Variants in PON2 observed in about 807,000 individuals in gnomAD.
The protein encoded by PON2 is paraoxonase 2, also known as serum paraoxonase/arylesterase 2.
Under a neutral mutation model 36.6 loss-of-function variants are expected in PON2, and 27 were observed. The ratio of observed to expected loss-of-function variants is 0.74; its 90% CI spans 0.54 to 1.02. The LOEUF is 1.02. Ranked by LOEUF, PON2 falls within the 50% of genes least tolerant of loss-of-function variation. The pLI, the probability that PON2 is intolerant of heterozygous loss-of-function variation, is 0.00. For synonymous variants in PON2, 149 were observed against 156.3 expected, an observed-to-expected ratio of 0.95 and a Z score of 0.35; for missense variants, 363 against 421.1, an observed-to-expected ratio of 0.86 and a Z score of 1.21.
chr7:95,409,801 G>A lies in PON2; in HGVS notation c.695+100C>T, dbSNP rs184709638. On this transcript the variant is annotated intron_variant, in intron 6 of 8. Coordinates refer to ENST00000222572, the MANE Select transcript of PON2 (RefSeq NM_000305.3). ...ATTATATGTATAATATACCATAAAT[G>A]TCAAGAAAACTATTTTCACATTGAC... 5.3e-4 allele frequency: 479 copies of A among 911,686 alleles called. 2 individuals carry two copies. The African/African-American group carries it at 6.1e-3, about 12-fold the overall frequency. 56.5% of individuals were successfully genotyped at this position (911,686 alleles called of 1,614,324 possible).
At chr7:95,407,692 A>T (rs1275296713) in intron 6 of PON2, among the ~76,000 whole-genome samples, 1 of 152,236 alleles carries the variant, frequency 6.6e-6, no homozygotes, top group East Asian at 1.9e-4. Context: ...GCAGATATAA[A>T]CATGAAGAAG....
At position 95,424,571 on chromosome 7, in the gene PON2, G is replaced by A; in HGVS notation, c.89C>T (p.Ala30Val). The A allele has an allele frequency of 1.2e-6, 2 of 1,612,476 alleles. No individual in the cohort carries two copies. The highest frequency in any genetic ancestry group is 1.7e-6 in the Non-Finnish European group (2 of 1,179,158). The change falls in exon 2 of 9, where the codon GCC (alanine) becomes GTC (valine). Residue 30 changes from alanine to valine, a missense_variant. Ala to Val is a moderately conservative substitution (Grantham distance 64). Transcript: ENST00000222572. The part of the protein sequence containing the change: ...RLLALRNRLK[A>V]SREVESVDLP... Reference sequence around the variant, plus strand: ...GTCTACAGATTCTACTTCTCTGGAGGCTTTAAGTCGATTTCTGTTACAAAG... The same window carrying A: ...GTCTACAGATTCTACTTCTCTGGAGACTTTAAGTCGATTTCTGTTACAAAG...
chr7:95,412,588 A>T, intron 3 of PON2, 111 bp from the exon 4 acceptor site: 3 of 1,121,492 alleles, frequency 2.7e-6, no homozygotes, highest in Non-Finnish European at 3.9e-6. Flanking sequence ...GTAGTGGCAT[A>T]AAGCCACAAA....
intron 3 of PON2, among the ~76,000 whole-genome samples, chr7:95,413,993 A>T (rs1352317090): frequency 6.6e-6 from 1 of 152,222 alleles, no homozygotes; most frequent in Non-Finnish European, 1.5e-5. Context: ...ATAACTAGTC[A>T]TGGTTATGTT....
intron 8 of PON2, among the ~76,000 whole-genome samples, chr7:95,405,903 CATAATTTA>C (rs1809673201): frequency 6.6e-6 from 1 of 152,110 alleles, no homozygotes; most frequent in Non-Finnish European, 1.5e-5. Flanking sequence ...TAGTTTCCAC[CATAATTTA>C]ATACATCAAA....
intron 1 of PON2, 62 bp downstream of exon 1, chr7:95,434,816 C>A (rs1255724376): frequency 6.6e-7 from 1 of 1,512,810 alleles, no homozygotes; most frequent in East Asian, 2.6e-5. Context: ...GCCCTCCCCG[C>A]ACCACGCGGC....
chr7:95,410,091 T>C lies in PON2; in HGVS notation c.505A>G (p.Ile169Val). 1 of 1,613,354 alleles carries C rather than the reference T, an allele frequency of 6.2e-7. No individual in the cohort carries two copies. The highest frequency in any genetic ancestry group is 8.5e-7 in the Non-Finnish European group (1 of 1,179,466). ...AAATGTGCCGGTCCAACAGCTGTGA[T>C]GTCATTCACACTGAAAAAGAAAAAT... ...KHELLPSVNDITAVGPAHFYA... is the reference protein window; with the variant it reads ...KHELLPSVNDVTAVGPAHFYA... The change falls in exon 6 of 9, where the codon ATC becomes GTC. Residue 169 changes from isoleucine (I) to valine (V), a missense_variant. Coordinates refer to ENST00000222572, the MANE Select transcript of PON2 (RefSeq NM_000305.3).
intron 2 of PON2, among the ~76,000 whole-genome samples, chr7:95,423,102 T>C (rs1789230849): frequency 3.3e-5 from 5 of 152,030 alleles, no homozygotes; most frequent in African/African-American, 4.8e-5. Flanking sequence ...GCTGGGAGGA[T>C]TGCTTGAGGC....
chr7:95,424,324 C>T, intron 2 of PON2, 191 bp downstream of exon 2: 1 of 595,406 alleles, frequency 1.7e-6, no homozygotes, highest in East Asian at 2.8e-5. Flanking sequence ...GAATAATTTA[C>T]AGTGAGGGTA....
chr7:95,424,993 C>T (rs1789282202), intron 1 of PON2, among the ~76,000 whole-genome samples: 1 of 152,066 alleles, frequency 6.6e-6, no homozygotes, highest in Non-Finnish European at 1.5e-5. Context: ...TGACTGTAAG[C>T]CTCACACAGA....
chr7:95,411,728 A>C lies in PON2; in HGVS notation c.419T>G (p.Val140Gly), dbSNP rs1045253035. ...TGCTTCTTCAAATTTAAAAATTTCC[A>C]CTGTATTCTTGAATTCTGGGTGGTT... ...VVNHPEFKNTVEIFKFEEAEN... is the reference protein window; with the variant it reads ...VVNHPEFKNTGEIFKFEEAEN... The change falls in exon 5 of 9, where the codon GTG (valine) becomes GGG (glycine). Residue 140 changes from valine to glycine, a missense_variant. Transcript: ENST00000222572. 6.8e-6 allele frequency: 11 copies of C among 1,613,548 alleles called. No homozygotes were observed. The highest frequency in any genetic ancestry group is 8.5e-6 in the Non-Finnish European group (10 of 1,179,666).
At position 95,405,305 on chromosome 7, in the gene PON2, C is replaced by T. The variant is rs181941842; in HGVS notation, c.*25G>A. ...CATAGAAAATTAATTGTTAAGTTAT[C>T]GCACTTTCATGCCAAAAGTACAATT... On this transcript the variant is annotated 3_prime_UTR_variant, in exon 9 of 9. Coordinates refer to ENST00000222572, the MANE Select transcript of PON2 (RefSeq NM_000305.3). The T allele has an allele frequency of 2.3e-5, 37 of 1,609,444 alleles. No homozygotes were observed. The highest frequency in any genetic ancestry group is 1.8e-4 in the East Asian group (8 of 44,758).
intron 4 of PON2, 116 bp from the exon 5 acceptor site, chr7:95,411,895 G>T (rs1396201780): frequency 9.6e-7 from 1 of 1,045,590 alleles, no homozygotes; most frequent in South Asian, 1.4e-5. Flanking sequence ...GCTGTTAGAC[G>T]ACCTAACAGA....
At chr7:95,426,206 C>A (rs1402693402) in intron 1 of PON2, among the ~76,000 whole-genome samples, 1 of 151,752 alleles carries the variant, frequency 6.6e-6, no homozygotes, top group African/African-American at 2.4e-5. Context: ...GACAATATAC[C>A]CATGTAAAAC....
rs758786976 is a variant in PON2, at chr7:95,432,452, C to G, written c.74+2426G>C. ...AAACAAAAAACAAACAAACAAAAAC[C>G]TGTAAATAAACTATCAGGCATTCTG... is the stretch of plus-strand genomic sequence containing the variant. On this transcript the variant is annotated intron_variant, in intron 1 of 8. Coordinates refer to ENST00000222572, the MANE Select transcript of PON2 (RefSeq NM_000305.3). Among the ~76,000 whole-genome samples the G allele has an allele frequency of 1.7e-4, 26 of 152,164 alleles. 1 individual carries two copies. Among genetic ancestry groups the G allele is most frequent in the Admixed American group, 1.5e-3 (23 of 15,282 alleles).
chr7:95,409,773 T>C, intron 6 of PON2, 128 bp downstream of exon 6: 2 of 504,088 alleles, frequency 4.0e-6, no homozygotes, highest in South Asian at 4.7e-5. Context: ...AGTGTATCTA[T>C]ATATTATATG....
At chr7:95,416,771 T>G (rs1409822750) in intron 2 of PON2, among the ~76,000 whole-genome samples, 2 of 152,214 alleles carry the variant, frequency 1.3e-5, no homozygotes, top group Non-Finnish European at 2.9e-5. Flanking sequence ...TTCCTTCTTT[T>G]AAAAACAGTG....
At chr7:95,434,352 G>A (rs1789512417) in intron 1 of PON2, 1 of 153,394 alleles carries the variant, frequency 6.5e-6, no homozygotes, top group African/African-American at 2.4e-5. Flanking sequence ...TAAATAGGAA[G>A]TAAGAACAGT....
chr7:95,414,871 C>T (rs3779492), intron 3 of PON2, among the ~76,000 whole-genome samples: 40,716 of 151,994 alleles, frequency 0.27, 5,869 homozygotes, highest in South Asian at 0.36. Context: ...AAACTAAATA[C>T]ATATACTGGT....
Sources: gnomAD v4.1 joint callset for allele counts (sites outside exome capture counted in the v4.1 genomes callset) on GRCh38, gnomAD v4.1.1 for gene constraint, MANE v1.5 for transcripts, NCBI Gene and HGNC (gene_info 2026-07-23, HGNC 2026-07-21) for gene names.